RYR3: variants seen among roughly 807,000 people sequenced by gnomAD.
RYR3 encodes ryanodine receptor 3, also known as brain ryanodine receptor-calcium release channel.
A neutral mutation model predicts 584.3 loss-of-function variants in RYR3; 207 were observed. The observed-to-expected ratio is 0.35, with a 90% CI of 0.32 to 0.40. The LOEUF (loss-of-function observed/expected upper bound fraction) is 0.40. Among genes scored for constraint, RYR3 ranks in the 10% least tolerant of loss-of-function variants. The pLI is 1.00. For synonymous variants in RYR3, 2,416 were observed against 2,248.5 expected (o/e 1.07, Z -2.11); for missense variants, 5,616 against 6,089.2 (o/e 0.92, Z 2.59).
At position 33,812,933 on chromosome 15, in the gene RYR3, A is replaced by T. The variant is rs1440116914; in HGVS notation, c.10328A>T (p.Asn3443Ile). ...KDVLKSEEPF[N>I]PEKTVERVQR... is the part of the protein sequence containing the mutation. The stretch of plus-strand genomic sequence containing the variant: ...GTTCTGAAGAGTGAAGAACCTTTCA[A>T]TCCGGAAAAGACAGTGGAGCGTGTG... The change falls in exon 73 of 104, where the codon AAT (asparagine) becomes ATT (isoleucine). Residue 3443 changes from asparagine (N) to isoleucine (I), a missense_variant. Coordinates refer to ENST00000634891, the MANE Select transcript of RYR3 (RefSeq NM_001036.6). 2.5e-6 allele frequency: 4 copies of T among 1,613,924 alleles called. No individual in the cohort carries two copies. Among genetic ancestry groups the T allele is most frequent in the Non-Finnish European group, 3.4e-6 (4 of 1,179,838 alleles).
intron 1 of RYR3, among the ~76,000 whole-genome samples, chr15:33,381,111 A>G (rs1246127591): frequency 1.3e-5 from 2 of 152,184 alleles, no homozygotes; most frequent in Admixed American, 6.5e-5. Context: ...CTGTTAACAG[A>G]TCCACATAGG....
chr15:33,683,479 T>A (rs541199862), intron 38 of RYR3, among the ~76,000 whole-genome samples: 43 of 152,356 alleles, frequency 2.8e-4, no homozygotes, highest in African/African-American at 1.0e-3. Context: ...GTCCCTCCAT[T>A]GCTGTTTGAA....
At chr15:33,426,916 A>C (rs533688314) in intron 1 of RYR3, among the ~76,000 whole-genome samples, 4 of 152,290 alleles carry the variant, frequency 2.6e-5, no homozygotes, top group East Asian at 1.9e-4. Context: ...GGGATGAGAG[A>C]GCTCTGGTCT....
chr15:33,761,101 A>G (rs1386289140), intron 60 of RYR3, among the ~76,000 whole-genome samples: 3 of 152,200 alleles, frequency 2.0e-5, no homozygotes, highest in Non-Finnish European at 4.4e-5. Context: ...AGCCAAAGCA[A>G]TGTTTAGAGG....
Position 33,728,855 on chromosome 15 carries a change from A to G in RYR3, c.7034-2A>G. On this transcript the variant is annotated splice_acceptor_variant, in intron 46 of 103. Coordinates refer to ENST00000634891, the MANE Select transcript of RYR3 (RefSeq NM_001036.6). LOFTEE classifies it high-confidence loss of function. ...AAATTACATTTTCTATGTGTCTTTCAGATGGGTCGGTCAGTGAGCCAGATA... is the reference window on the plus strand; with the variant it reads ...AAATTACATTTTCTATGTGTCTTTCGGATGGGTCGGTCAGTGAGCCAGATA... 1 of 1,608,922 alleles carries G rather than the reference A, an allele frequency of 6.2e-7. No individual in the cohort carries two copies. The highest frequency in any genetic ancestry group is 8.5e-7 in the Non-Finnish European group (1 of 1,178,404).
intron 1 of RYR3, among the ~76,000 whole-genome samples, chr15:33,416,290 A>G (rs2043805282): frequency 6.6e-6 from 1 of 152,198 alleles, no homozygotes; most frequent in African/African-American, 2.4e-5. Flanking sequence ...GCTGCTTTCC[A>G]CAGGGGCTGA....
In RYR3 at chr15:33,838,096, A is replaced by G. The variant is rs1161803763; in HGVS notation, c.12116A>G (p.Lys4039Arg). ...CGCATCGAGATCATGGGTGGGGCCAAGAAGATTGAGCGTGTTTATTTTGAG... is the reference window on the plus strand; with the variant it reads ...CGCATCGAGATCATGGGTGGGGCCAGGAAGATTGAGCGTGTTTATTTTGAG... Reference protein sequence around the residue: ...LGRIEIMGGAKKIERVYFEIS... With the variant: ...LGRIEIMGGARKIERVYFEIS... Residue 4039 changes from lysine (K) to arginine (R), a missense_variant, in exon 89 of 104, where the codon AAG becomes AGG. Around this residue, in one of 9 missense-constraint regions of RYR3, gnomAD observed 258 missense variants for 297.3 expected, o/e 0.87. Transcript: ENST00000634891. 6.2e-7 allele frequency: 1 copy of G among 1,614,008 alleles called. No homozygotes were observed. The highest frequency in any genetic ancestry group is 1.3e-5 in the African/African-American group (1 of 75,050).
intron 42 of RYR3, among the ~76,000 whole-genome samples, chr15:33,705,779 A>G (rs2066664790): frequency 6.6e-6 from 1 of 152,206 alleles, no homozygotes; most frequent in Non-Finnish European, 1.5e-5. Context: ...GTGGATGCAG[A>G]ACGAGAGTAG....
chr15:33,600,680 A>G (rs981371887), intron 16 of RYR3, among the ~76,000 whole-genome samples: 4 of 152,058 alleles, frequency 2.6e-5, no homozygotes, highest in African/African-American at 9.7e-5. Context: ...GAGAGCGGGT[A>G]AAATATTTAG....
chr15:33,766,163 G>A (rs8036744), intron 60 of RYR3, among the ~76,000 whole-genome samples: 78,141 of 151,418 alleles, frequency 0.52, 21,489 homozygotes, highest in African/African-American at 0.72. Flanking sequence ...CGCACCTGTA[G>A]TCCCAGCTAC....
At chr15:33,482,282 T>A (rs2050043511) in intron 2 of RYR3, among the ~76,000 whole-genome samples, 3 of 152,192 alleles carry the variant, frequency 2.0e-5, no homozygotes, top group Non-Finnish European at 4.4e-5. Flanking sequence ...CCCTTTTGCC[T>A]CCATTGTTTA....
At chr15:33,764,589 A>G (rs998378762) in intron 60 of RYR3, among the ~76,000 whole-genome samples, 1 of 152,214 alleles carries the variant, frequency 6.6e-6, no homozygotes, top group Admixed American at 6.5e-5. Context: ...AAAAAAAAAA[A>G]AAATGAGCAT....
intron 31 of RYR3, among the ~76,000 whole-genome samples, chr15:33,650,764 T>C (rs2062419848): frequency 6.6e-6 from 1 of 152,204 alleles, no homozygotes; most frequent in Non-Finnish European, 1.5e-5. Flanking sequence ...GTATTTTCAA[T>C]CTATGTGTGG....
At chr15:33,804,685 C>T (rs1001296376) in intron 69 of RYR3, among the ~76,000 whole-genome samples, 6 of 152,198 alleles carry the variant, frequency 3.9e-5, no homozygotes, top group African/African-American at 1.2e-4. Flanking sequence ...TGTGGAACTA[C>T]ATACTGAGGG....
At position 33,837,752 on chromosome 15, in the gene RYR3, C is replaced by T. The variant is rs1281636980; in HGVS notation, c.11772C>T (p.Ser3924=). ...TCTTGAAACTTAAAGACTTAACCAG[C>T]TCAGACACCTTCAAAGAATATGACC... is the stretch of plus-strand genomic sequence containing the variant. The part of the protein sequence containing the change: ...DMFLKLKDLT[S]SDTFKEYDPD... The change falls in exon 89 of 104, where the codon AGC becomes AGT. Residue 3924 remains serine (S), a synonymous_variant. Coordinates refer to ENST00000634891, the MANE Select transcript of RYR3 (RefSeq NM_001036.6). 1.9e-6 allele frequency: 3 copies of T among 1,613,718 alleles called. No homozygotes were observed. The highest frequency in any genetic ancestry group is 2.7e-5 in the African/African-American group (2 of 74,902).
intron 19 of RYR3, among the ~76,000 whole-genome samples, 158 bp from the exon 20 acceptor site, chr15:33,623,649 C>A (rs115355430): frequency 1.8e-3 from 272 of 152,292 alleles, no homozygotes; most frequent in African/African-American, 6.3e-3. Context: ...TGTTTTGTTA[C>A]ATACTGGATG....
Position 33,840,831 on chromosome 15 carries a change from G to T in RYR3, c.12985G>T (p.Glu4329Ter). The part of the protein sequence containing the change: ...VQKKRKAQAA[E>*]MKAANEAEGK... Reference sequence around the variant, plus strand: ...AATTGTTATTTTTGTCTAGGCAGCAGAAATGAAAGCAGCAAATGAAGCAGA... The same window carrying T: ...AATTGTTATTTTTGTCTAGGCAGCATAAATGAAAGCAGCAAATGAAGCAGA... The change falls in exon 90 of 104, where the codon GAA (glutamate) becomes TAA (stop). Residue 4329 changes from glutamate to a stop codon, truncating the protein, a stop_gained. Coordinates refer to ENST00000634891, the MANE Select transcript of RYR3 (RefSeq NM_001036.6). LOFTEE classifies it high-confidence loss of function. 6.2e-7 allele frequency: 1 copy of T among 1,613,934 alleles called. No individual in the cohort carries two copies. The highest frequency in any genetic ancestry group is 8.5e-7 in the Non-Finnish European group (1 of 1,179,850).
At chr15:33,833,767 T>G (rs2077844557) in intron 86 of RYR3, among the ~76,000 whole-genome samples, 1 of 152,202 alleles carries the variant, frequency 6.6e-6, no homozygotes, top group Non-Finnish European at 1.5e-5. Context: ...ACATAAACAG[T>G]GATTTTTAAC....
At position 33,848,390 on chromosome 15, in the gene RYR3, G is replaced by A; in HGVS notation, c.13597G>A (p.Gly4533Arg). 1.2e-6 allele frequency: 2 copies of A among 1,613,432 alleles called. No homozygotes were observed. Among genetic ancestry groups the A allele is most frequent in the Non-Finnish European group, 1.7e-6 (2 of 1,179,844 alleles). The change falls in exon 94 of 104, where the codon GGG (glycine) becomes AGG (arginine). Residue 4533 changes from glycine (G) to arginine (R), a missense_variant. By Grantham distance (125) the Gly-to-Arg change is moderately radical (BLOSUM62 -2). This residue lies in a region of RYR3 where 918 missense variants were observed against 887.4 expected (regional missense o/e 1.03). Transcript: ENST00000634891. ...TEQPSEDDIK[G>R]QWDRLVINTP... ...ACAGCCATCTGAAGATGACATCAAG[G>A]GGCAGTGGGACCGCTTGGTGATCAA...
Sources: gnomAD v4.1 joint callset for allele counts (sites outside exome capture counted in the v4.1 genomes callset) on GRCh38, gnomAD v4.1.1 for gene constraint, gnomAD v4.1.1 regional missense constraint, MANE v1.5 for transcripts, NCBI Gene and HGNC (gene_info 2026-07-23, HGNC 2026-07-21) for gene names.